PTPRG: variants seen among roughly 807,000 people sequenced by gnomAD.
PTPRG encodes the protein protein tyrosine phosphatase receptor type G.
In PTPRG, 102 loss-of-function variants were observed where a neutral mutation model predicts 165.3. The observed-to-expected ratio is 0.62, with a 90% confidence interval of 0.53 to 0.73. PTPRG has a LOEUF of 0.73. Ranked by LOEUF, PTPRG falls within the 30% of genes least tolerant of loss-of-function variation. The pLI is 0.00. For missense variants in PTPRG, 1,866 were observed against 1,861.4 expected, an observed-to-expected ratio of 1.00 and a Z score of -0.05; for synonymous variants, 675 against 669.5, an observed-to-expected ratio of 1.01 and a Z score of -0.13.
chr3:61,698,288 C>T (rs929701361), intron 1 of PTPRG, among the ~76,000 whole-genome samples: 2 of 152,152 alleles, frequency 1.3e-5, no homozygotes, highest in South Asian at 2.1e-4. Context: ...TGCTTATCAT[C>T]ATCATCATTT....
At chr3:62,196,784 C>T (rs577297300) in intron 10 of PTPRG, among the ~76,000 whole-genome samples, 4 of 150,986 alleles carry the variant, frequency 2.6e-5, no homozygotes, top group East Asian at 1.9e-4. Flanking sequence ...CAGTGGTGAA[C>T]GCTTTTTGAG....
intron 2 of PTPRG, among the ~76,000 whole-genome samples, chr3:61,928,820 T>C (rs2039288863): frequency 6.6e-6 from 1 of 152,228 alleles, no homozygotes; most frequent in Non-Finnish European, 1.5e-5. Flanking sequence ...TGTGACAGTC[T>C]ATAGATGTAA....
chr3:62,107,187 C>T (rs1297179615), intron 5 of PTPRG, among the ~76,000 whole-genome samples: 1 of 152,180 alleles, frequency 6.6e-6, no homozygotes, highest in African/African-American at 2.4e-5. Context: ...TGTTTCCATC[C>T]AAATCTTGTC....
chr3:62,293,843 G>A lies in PTPRG; in HGVS notation c.*536G>A, dbSNP rs1329664247. ...TAGCAGGCTACTGGGACCTAAAAAGGTCTGTTAATGTCATGGCCTTGAAAC... is the reference window on the plus strand; with the variant it reads ...TAGCAGGCTACTGGGACCTAAAAAGATCTGTTAATGTCATGGCCTTGAAAC... On this transcript the variant is annotated 3_prime_UTR_variant, in exon 30 of 30. Coordinates refer to ENST00000474889, the MANE Select transcript of PTPRG (RefSeq NM_002841.4). 2 of 152,498 alleles carry A rather than the reference G, an allele frequency of 1.3e-5. No individual in the cohort carries two copies. Among genetic ancestry groups the A allele is most frequent in the Non-Finnish European group, 2.9e-5 (2 of 68,008 alleles). 9.4% of individuals were successfully genotyped at this position (152,498 alleles called of 1,614,324 possible).
At chr3:61,749,015 G>A (rs367892982) in intron 2 of PTPRG, 33 bp downstream of exon 2, 54 of 1,543,256 alleles carry the variant, frequency 3.5e-5, no homozygotes, top group South Asian at 3.5e-4. Context: ...AGATCACACA[G>A]GCCAGTTAAC....
At chr3:61,575,825 G>A (rs904951786) in intron 1 of PTPRG, among the ~76,000 whole-genome samples, 22 of 151,970 alleles carry the variant, frequency 1.4e-4, no homozygotes, top group Admixed American at 9.2e-4. Context: ...TGGCCAGGCT[G>A]GTCTCGAACT....
chr3:61,711,627 A>T (rs2031560785), intron 1 of PTPRG, among the ~76,000 whole-genome samples: 1 of 152,174 alleles, frequency 6.6e-6, no homozygotes, highest in Admixed American at 6.5e-5. Flanking sequence ...TGCACAGCAA[A>T]AGAAACTATC....
At chr3:61,792,525 G>A (rs1199160486) in intron 2 of PTPRG, among the ~76,000 whole-genome samples, 3 of 152,102 alleles carry the variant, frequency 2.0e-5, no homozygotes, top group Non-Finnish European at 4.4e-5. Context: ...CACTTAGTGG[G>A]CCCACGTTGG....
chr3:62,012,051 G>A (rs1418697786), intron 4 of PTPRG, among the ~76,000 whole-genome samples: 1 of 152,210 alleles, frequency 6.6e-6, no homozygotes, highest in South Asian at 2.1e-4. Context: ...GGTAGTGGCG[G>A]TTGTGGTTGA....
chr3:61,596,396 T>G (rs550060787), intron 1 of PTPRG, among the ~76,000 whole-genome samples: 2 of 152,344 alleles, frequency 1.3e-5, no homozygotes, highest in East Asian at 3.9e-4. Context: ...AAAACAGATT[T>G]CACTAGTGGT....
At chr3:62,079,387 C>G (rs1459647206) in intron 5 of PTPRG, among the ~76,000 whole-genome samples, 2 of 152,144 alleles carry the variant, frequency 1.3e-5, no homozygotes, top group Admixed American at 1.3e-4. Context: ...TTCTATCTTA[C>G]TGTTGAGCCA....
chr3:62,111,014 G>T (rs964516338), intron 5 of PTPRG, among the ~76,000 whole-genome samples: 1 of 152,194 alleles, frequency 6.6e-6, no homozygotes, highest in Admixed American at 6.5e-5. Flanking sequence ...GTAGGGCTCT[G>T]TGGGAAGTGA....
Position 62,274,363 on chromosome 3 carries a change from G to A in PTPRG, c.3465+519G>A, listed in dbSNP as rs76916953. ...TAGGGACATGAAGAAGCTTAAAAGC[G>A]GTTAAGGTTTATATGGAATTGACTG... On this transcript the variant is annotated intron_variant, in intron 23 of 29. Transcript: ENST00000474889. Among the ~76,000 whole-genome samples, 96 of 152,172 alleles carry A rather than the reference G, an allele frequency of 6.3e-4. No homozygotes were observed. The East Asian group carries it at 0.015, about 25-fold the overall frequency.
intron 5 of PTPRG, among the ~76,000 whole-genome samples, chr3:62,109,645 G>A (rs1702596824): frequency 6.6e-6 from 1 of 152,154 alleles, no homozygotes; most frequent in East Asian, 1.9e-4. Context: ...GCAGAGGGAA[G>A]TCAGAGGTGG....
intron 1 of PTPRG, among the ~76,000 whole-genome samples, chr3:61,647,882 T>C (rs942121007): frequency 6.6e-6 from 1 of 151,466 alleles, no homozygotes; most frequent in South Asian, 2.1e-4. Flanking sequence ...TTTGGTGCCC[T>C]TGATGCCTTG....
At chr3:62,102,171 T>C (rs888815480) in intron 5 of PTPRG, among the ~76,000 whole-genome samples, 6 of 152,300 alleles carry the variant, frequency 3.9e-5, no homozygotes, top group African/African-American at 1.4e-4. Flanking sequence ...CATTTTTGCA[T>C]CCTTAGTGCC....
intron 1 of PTPRG, among the ~76,000 whole-genome samples, chr3:61,673,676 C>T (rs1039046272): frequency 6.6e-6 from 1 of 152,114 alleles, no homozygotes; most frequent in South Asian, 2.1e-4. Flanking sequence ...CAACTTGGGA[C>T]TTTTAGGGTA....
intron 15 of PTPRG, among the ~76,000 whole-genome samples, chr3:62,253,545 C>T (rs1020280432): frequency 2.0e-5 from 3 of 152,260 alleles, no homozygotes; most frequent in South Asian, 2.1e-4. Flanking sequence ...AACTTGAGAT[C>T]ATTTTCATTG....
chr3:62,085,491 A>G (rs1049963081), intron 5 of PTPRG, among the ~76,000 whole-genome samples: 9 of 152,174 alleles, frequency 5.9e-5, no homozygotes, highest in Admixed American at 3.9e-4. Flanking sequence ...AGGTTTCCCA[A>G]TAAAATGCGT....
Sources: allele counts gnomAD v4.1 joint callset (sites outside exome capture counted in the v4.1 genomes callset), GRCh38; gene constraint gnomAD v4.1.1; transcripts MANE v1.5; gene names NCBI Gene and HGNC (gene_info 2026-07-23, HGNC 2026-07-21).